The following MTHFD2L variants were observed in gnomAD, a reference collection of about 807,000 sequenced individuals.
MTHFD2L encodes bifunctional methylenetetrahydrofolate dehydrogenase/cyclohydrolase 2, mitochondrial.
MTHFD2L carries 29 observed loss-of-function variants against 34.9 expected under a neutral mutation model. That is an observed-to-expected ratio of 0.83 (90% CI 0.62 to 1.13). The LOEUF is 1.13. Ranked by LOEUF, MTHFD2L falls within the 50% of genes most tolerant of loss-of-function variation. The probability of loss-of-function intolerance (pLI) is 0.00; values close to 1 mark genes in which losing one functional copy is unlikely to be tolerated. For missense variants in MTHFD2L, 481 were observed against 446.5 expected, an observed-to-expected ratio of 1.08 and a Z score of -0.70; for synonymous variants, 167 against 155.7, an observed-to-expected ratio of 1.07 and a Z score of -0.54.
upstream of MTHFD2L, among the ~76,000 whole-genome samples, chr4:74,121,849 A>G (rs931130048): frequency 6.6e-6 from 1 of 151,946 alleles, no homozygotes; most frequent in Non-Finnish European, 1.5e-5. Flanking sequence ...TCTTCTATGA[A>G]ATTGGTCCCT....
rs146851152 is a variant in MTHFD2L at position 74,131,963 on chromosome 4, C to T, written c.-297+6446C>T. ...CACTTCTTAAAAGAAGACATTTATG[C>T]GGCCAAAAAAACATATATAAAAAGA... On this transcript the variant is annotated intron_variant, in intron 1 of 7. Transcript: ENST00000433372. 5.8e-4 allele frequency among the ~76,000 whole-genome samples: 88 copies of T among 152,094 alleles called. 1 individual carries two copies. In the East Asian group the frequency reaches 8.5e-3, roughly 15 times the overall value.
chr4:74,125,502 A>C (rs1046284004), exon 1 of MTHFD2L: 1 of 152,184 alleles, frequency 6.6e-6, no homozygotes, highest in Admixed American at 6.6e-5. Flanking sequence ...AAGGTTGTGC[A>C]GATAGTCTGA....
intron 5 of MTHFD2L, among the ~76,000 whole-genome samples, chr4:74,211,302 A>AT: frequency 6.6e-6 from 1 of 152,174 alleles, no homozygotes; most frequent in Non-Finnish European, 1.5e-5. Flanking sequence ...CCCAATCACT[A>AT]TGATATTGGC....
At chr4:74,164,323 A>C (rs191792355) in intron 1 of MTHFD2L, among the ~76,000 whole-genome samples, 1 of 152,334 alleles carries the variant, frequency 6.6e-6, no homozygotes, top group Admixed American at 6.5e-5. Context: ...ATTTGTTGGT[A>C]AGCTACTTTT....
At chr4:74,236,703 A>G (rs941494719) in intron 6 of MTHFD2L, among the ~76,000 whole-genome samples, 4 of 152,272 alleles carry the variant, frequency 2.6e-5, no homozygotes, top group Non-Finnish European at 5.9e-5. Flanking sequence ...GTGGTGCGTA[A>G]CGCACATATA....
intron 1 of MTHFD2L, among the ~76,000 whole-genome samples, chr4:74,166,663 C>T (rs890669581): frequency 6.6e-6 from 1 of 151,280 alleles, no homozygotes; most frequent in Non-Finnish European, 1.5e-5. Flanking sequence ...GGCCAGCCCC[C>T]ACAGACACAG....
At chr4:74,156,337 G>A (rs138781368), upstream of MTHFD2L, among the ~76,000 whole-genome samples, 4 of 152,270 alleles carry the variant, frequency 2.6e-5, no homozygotes, top group Non-Finnish European at 5.9e-5. Flanking sequence ...CATGCAGTAT[G>A]TAGCCTTTTC....
At chr4:74,157,774 A>C, upstream of MTHFD2L, 1 of 486,062 alleles carries the variant, frequency 2.1e-6, no homozygotes, top group Non-Finnish European at 4.1e-6. Flanking sequence ...GGCTTGGTGG[A>C]AAGTGGGGCG....
At position 74,180,141 on chromosome 4, in the gene MTHFD2L, T is replaced by C. The variant is rs528657154; in HGVS notation, c.451+4738T>C. On this transcript the variant is annotated intron_variant, in intron 3 of 7. Coordinates refer to ENST00000325278, the MANE Select transcript of MTHFD2L (RefSeq NM_001144978.3). ...CAGGCTGGGAAATACAAAAATTGTC[T>C]CTTGGTTATGAAACTCAACTGATAG... Among the ~76,000 whole-genome samples the C allele has an allele frequency of 1.1e-3, 166 of 152,268 alleles. 1 individual carries two copies. Among genetic ancestry groups the C allele is most frequent in the South Asian group, 1.2e-3 (6 of 4,834 alleles).
intron 1 of MTHFD2L, among the ~76,000 whole-genome samples, chr4:74,171,148 T>A (rs543588897): frequency 2.6e-4 from 39 of 152,094 alleles, no homozygotes; most frequent in African/African-American, 8.0e-4. Context: ...ATTAAAAAAA[T>A]TCAAAATAGG....
intron 1 of MTHFD2L, among the ~76,000 whole-genome samples, chr4:74,139,101 GT>G (rs1209532461): frequency 6.6e-6 from 1 of 152,136 alleles, no homozygotes; most frequent in Non-Finnish European, 1.5e-5. Flanking sequence ...TATTGGGTAT[GT>G]TTGCATAGAC....
At chr4:74,239,685 T>C (rs1232607219) in intron 6 of MTHFD2L, among the ~76,000 whole-genome samples, 3 of 152,310 alleles carry the variant, frequency 2.0e-5, no homozygotes, top group Non-Finnish European at 4.4e-5. Context: ...ATAGTTTTTC[T>C]CTGAGTGTGC....
chr4:74,201,712 A>G (rs6846145), intron 5 of MTHFD2L, among the ~76,000 whole-genome samples: 38 of 152,056 alleles, frequency 2.5e-4, no homozygotes, highest in African/African-American at 8.2e-4. Context: ...GAATTCCTGT[A>G]GTGGCAAGGT....
At chr4:74,117,173 A>G (rs780126846) in intron 2 of MTHFD2L, among the ~76,000 whole-genome samples, 30 of 152,216 alleles carry the variant, frequency 2.0e-4, no homozygotes, top group Non-Finnish European at 2.8e-4. Flanking sequence ...ATGACAACAA[A>G]TGACATTGTC....
chr4:74,297,561 T>C (rs1749780142), intron 7 of MTHFD2L, among the ~76,000 whole-genome samples: 1 of 152,000 alleles, frequency 6.6e-6, no homozygotes, highest in Non-Finnish European at 1.5e-5. Context: ...TTCTCTTTAA[T>C]GGAGCATGTA....
chr4:74,258,346 G>T (rs1030609859), intron 6 of MTHFD2L, among the ~76,000 whole-genome samples: 8 of 152,036 alleles, frequency 5.3e-5, no homozygotes, highest in African/African-American at 1.9e-4. Context: ...ATTGATGGAT[G>T]AATGTATAAA....
intron 1 of MTHFD2L, among the ~76,000 whole-genome samples, chr4:74,139,191 T>C (rs749920715): frequency 6.6e-6 from 1 of 152,144 alleles, no homozygotes; most frequent in African/African-American, 2.4e-5. Flanking sequence ...GTAGAATGTG[T>C]CTGAAGCCCA....
At chr4:74,189,485 C>CCCTTTTTT (rs1168720652) in intron 3 of MTHFD2L, among the ~76,000 whole-genome samples, 1 of 119,792 alleles carries the variant, frequency 8.3e-6, no homozygotes, top group African/African-American at 4.0e-5. Flanking sequence ...GTTTTTCTTC[C>CCCTTTTTT]TTTTTTTTTT....
intron 3 of MTHFD2L, among the ~76,000 whole-genome samples, chr4:74,196,177 GCA>G (rs1392645016): frequency 6.6e-6 from 1 of 152,118 alleles, no homozygotes; most frequent in African/African-American, 2.4e-5. Context: ...ATTTTTTATA[GCA>G]GTTCCATGGG....
Sources: allele counts gnomAD v4.1 joint callset (sites outside exome capture counted in the v4.1 genomes callset), GRCh38; gene constraint gnomAD v4.1.1; transcripts MANE v1.5; gene names NCBI Gene and HGNC (gene_info 2026-07-23, HGNC 2026-07-21).